Variants in ST7 observed in about 807,000 individuals in gnomAD.
The protein encoded by ST7 is suppressor of tumorigenicity 7 protein.
Under a neutral mutation model 78.7 loss-of-function variants are expected in ST7, and 28 were observed. The observed-to-expected ratio is 0.36, with a 90% CI of 0.26 to 0.49. The LOEUF (loss-of-function observed/expected upper bound fraction) is 0.49. Among genes scored for constraint, ST7 ranks in the 20% least tolerant of loss-of-function variants. ST7 has a pLI of 0.99. For missense variants in ST7, 418 were observed against 696.0 expected (o/e 0.60, Z 4.49); for synonymous variants, 247 against 249.6 (o/e 0.99, Z 0.10).
In ST7 at chr7:117,219,186, A is replaced by G. The variant is rs749873212; in HGVS notation, c.1498+10A>G. 1.9e-6 allele frequency: 3 copies of G among 1,608,512 alleles called. No individual in the cohort carries two copies. In the African/African-American group the frequency reaches 4.0e-5, roughly 22 times the overall value. On this transcript the variant is annotated intron_variant, in intron 14 of 15. Coordinates refer to ENST00000323984, the MANE Select transcript of ST7 (RefSeq NM_001369598.1). The surrounding 1 kb of genome is among the most constrained non-coding windows in gnomAD (Gnocchi z 5.1). ...CGAGAGCTGCTTCCATGTAAGTCTC[A>G]CCTCTCTTCAGCCAGTGAGGGTGTG...
chr7:117,087,555 A>C (rs1800254308), intron 1 of ST7, among the ~76,000 whole-genome samples: 1 of 152,230 alleles, frequency 6.6e-6, no homozygotes, highest in Non-Finnish European at 1.5e-5. Flanking sequence ...CTTGCAGCAG[A>C]AAAAAGATAT....
chr7:117,149,592 C>CTTTT (rs59067333), intron 9 of ST7, among the ~76,000 whole-genome samples: 17 of 83,930 alleles, frequency 2.0e-4, no homozygotes, highest in Non-Finnish European at 2.9e-4. Context: ...CGTGTCCTAC[C>CTTTT]TTTTTTTTTT....
At chr7:117,185,564 T>C (rs1809178019) in intron 10 of ST7, among the ~76,000 whole-genome samples, 1 of 152,232 alleles carries the variant, frequency 6.6e-6, no homozygotes, top group South Asian at 2.1e-4. Flanking sequence ...CCATGGAGAA[T>C]ACTGAACCCT....
chr7:117,004,096 G>A (rs75349841), intron 1 of ST7, among the ~76,000 whole-genome samples: 1,798 of 152,168 alleles, frequency 0.012, 17 homozygotes, highest in Non-Finnish European at 0.017. Context: ...CATTGATATG[G>A]ATGAATGCCA....
intron 15 of ST7, among the ~76,000 whole-genome samples, chr7:117,229,493 G>A (rs1047302030): frequency 3.3e-5 from 5 of 152,196 alleles, no homozygotes; most frequent in African/African-American, 4.8e-5. Context: ...AGACTAGCAG[G>A]AAGACCTCAG....
chr7:117,212,347 C>A (rs6972980), intron 13 of ST7, among the ~76,000 whole-genome samples: 1 of 152,052 alleles, frequency 6.6e-6, no homozygotes, highest in African/African-American at 2.4e-5. Flanking sequence ...GTTGGGGAGC[C>A]AGGATGTAAA....
chr7:117,058,897 A>G (rs1563049499), intron 1 of ST7, among the ~76,000 whole-genome samples: 1 of 152,230 alleles, frequency 6.6e-6, no homozygotes, highest in South Asian at 2.1e-4. Context: ...TTGCAACAAC[A>G]TGGATGGAAC....
chr7:116,955,413 G>A (rs1792411556), intron 1 of ST7, among the ~76,000 whole-genome samples: 1 of 152,160 alleles, frequency 6.6e-6, no homozygotes, highest in East Asian at 1.9e-4. Context: ...GAAGGTGGAA[G>A]GGTAAGAGAA....
intron 1 of ST7, among the ~76,000 whole-genome samples, chr7:117,094,464 G>A (rs1226946509): frequency 1.3e-5 from 2 of 152,164 alleles, no homozygotes; most frequent in Non-Finnish European, 2.9e-5. Flanking sequence ...ATTTCCTCGT[G>A]TGTCCTTTCC....
At position 117,136,612 on chromosome 7, in the gene ST7, G is replaced by C. The variant is rs1329072526; in HGVS notation, c.865+377G>C. 8.0e-6 allele frequency: 3 copies of C among 376,704 alleles called. No individual in the cohort carries two copies. The East Asian group carries it at 1.5e-4, about 19-fold the overall frequency. The allele number at this position is 376,704 out of a possible 1,614,324, so 23.3% of individuals were successfully genotyped here. A position where few individuals can be genotyped will look rare whatever the true frequency, so the allele number is the denominator to read the frequency against. On this transcript the variant is annotated intron_variant, in intron 8 of 15. Transcript: ENST00000323984. ...TTAAATTAGCCATAGTGTTAGCAAA[G>C]GTTTTATCTTATAGATCTTCTACAA...
chr7:117,076,871 T>A (rs1008349576), intron 1 of ST7, among the ~76,000 whole-genome samples: 1 of 152,174 alleles, frequency 6.6e-6, no homozygotes. Flanking sequence ...CCTCTGCCAG[T>A]GAGGGCAAAG....
intron 1 of ST7, among the ~76,000 whole-genome samples, chr7:117,003,656 C>T (rs147963741): frequency 0.084 from 12,795 of 151,994 alleles, 585 homozygotes; most frequent in East Asian, 0.13. Flanking sequence ...TAGTCTTGAC[C>T]TCCTGGGCTC....
intron 1 of ST7, among the ~76,000 whole-genome samples, chr7:117,023,777 T>TTTTATA (rs140352486): frequency 6.8e-6 from 1 of 147,968 alleles, no homozygotes; most frequent in African/African-American, 2.5e-5. Flanking sequence ...CTTAATTTGA[T>TTTTATA]TATATATATA....
intron 1 of ST7, among the ~76,000 whole-genome samples, chr7:117,094,487 C>T (rs1050847118): frequency 8.5e-5 from 13 of 152,166 alleles, no homozygotes; most frequent in Admixed American, 6.5e-4. Context: ...TTTGCTTATC[C>T]GATGACTTGC....
intron 9 of ST7, among the ~76,000 whole-genome samples, chr7:117,160,976 A>T (rs1807095614): frequency 6.6e-6 from 1 of 152,188 alleles, no homozygotes; most frequent in Non-Finnish European, 1.5e-5. Flanking sequence ...GCTGTGGTTC[A>T]TGTGGGATTA....
chr7:117,141,895 C>T (rs578172142), intron 9 of ST7, among the ~76,000 whole-genome samples: 3 of 152,134 alleles, frequency 2.0e-5, no homozygotes, highest in South Asian at 4.2e-4. Context: ...ATCTTGACCT[C>T]GTGGTCTCCA....
At chr7:116,954,485 G>T (rs536115557) in intron 1 of ST7, 1 of 152,216 alleles carries the variant, frequency 6.6e-6, no homozygotes, top group Non-Finnish European at 1.5e-5. Flanking sequence ...CAAGTGCCGC[G>T]TGCCTCCCAT....
At chr7:117,018,035 C>T (rs778680424) in intron 1 of ST7, among the ~76,000 whole-genome samples, 13 of 152,078 alleles carry the variant, frequency 8.5e-5, no homozygotes, top group Non-Finnish European at 1.3e-4. Context: ...TATAGGCCCT[C>T]AGAAAAATGC....
At chr7:117,154,959 G>A (rs933004009) in intron 9 of ST7, among the ~76,000 whole-genome samples, 2 of 152,090 alleles carry the variant, frequency 1.3e-5, no homozygotes, top group African/African-American at 4.8e-5. Context: ...TTTTTTAAAA[G>A]CAAGCATCTA....
Sources: gnomAD v4.1 joint callset for allele counts (sites outside exome capture counted in the v4.1 genomes callset) on GRCh38, gnomAD v4.1.1 for gene constraint, Gnocchi (gnomAD v3.1) non-coding constraint, MANE v1.5 for transcripts, NCBI Gene and HGNC (gene_info 2026-07-23, HGNC 2026-07-21) for gene names.